The following AGTR1 variants were observed in gnomAD, a reference collection of about 807,000 sequenced individuals.
The protein encoded by AGTR1 is type-1 angiotensin II receptor.
A neutral mutation model predicts 19.4 loss-of-function variants in AGTR1; 16 were observed. That is an observed-to-expected ratio of 0.82 (90% CI 0.56 to 1.25). AGTR1 has a LOEUF of 1.25. AGTR1 is among the 50% of genes most tolerant of loss of function. The pLI is 0.00. For synonymous variants in AGTR1, 153 were observed against 154.9 expected, an observed-to-expected ratio of 0.99 and a Z score of 0.09; for missense variants, 373 against 431.9, an observed-to-expected ratio of 0.86 and a Z score of 1.21.
intron 1 of AGTR1, among the ~76,000 whole-genome samples, chr3:148,699,889 C>G (rs1243173093): frequency 6.6e-6 from 1 of 152,166 alleles, no homozygotes; most frequent in Admixed American, 6.5e-5. Context: ...TGACCTTAAA[C>G]TGAATCAACT....
intron 2 of AGTR1, among the ~76,000 whole-genome samples, chr3:148,712,751 G>A (rs1464579118): frequency 6.6e-6 from 1 of 152,162 alleles, no homozygotes; most frequent in Non-Finnish European, 1.5e-5. Flanking sequence ...AGCATCTCAT[G>A]TGATATACAA....
Position 148,709,338 on chromosome 3 carries a change from C to T in AGTR1, c.-48+1311C>T, listed in dbSNP as rs545060164. Among the ~76,000 whole-genome samples, 9 of 152,180 alleles carry T rather than the reference C, an allele frequency of 5.9e-5. No homozygotes were observed. The South Asian group carries it at 1.9e-3, about 32-fold the overall frequency. ...CTAGCAGGAAAAGCAGGACACTTAC[C>T]CAGGGGGTTCCTGCTGGAAATGATT... On this transcript the variant is annotated intron_variant, in intron 2 of 2. Coordinates refer to ENST00000349243, the MANE Select transcript of AGTR1 (RefSeq NM_000685.5).
chr3:148,741,476 C>T lies in AGTR1; in HGVS notation c.441C>T (p.Val147=). Residue 147 remains valine (V), a synonymous_variant, in exon 3 of 3, where the codon GTC becomes GTT. Coordinates refer to ENST00000349243, the MANE Select transcript of AGTR1 (RefSeq NM_000685.5). ...RLRRTMLVAK[V]TCIIIWLLAG... is the part of the protein sequence containing the mutation. ...GACGCACAATGCTTGTAGCCAAAGTCACCTGCATCATCATTTGGCTGCTGG... is the reference window on the plus strand; with the variant it reads ...GACGCACAATGCTTGTAGCCAAAGTTACCTGCATCATCATTTGGCTGCTGG... 1 of 1,613,230 alleles carries T rather than the reference C, an allele frequency of 6.2e-7. No homozygotes were observed. Among genetic ancestry groups the T allele is most frequent in the Non-Finnish European group, 8.5e-7 (1 of 1,180,022 alleles).
chr3:148,723,472 G>A (rs767314855), intron 2 of AGTR1, among the ~76,000 whole-genome samples: 3 of 152,064 alleles, frequency 2.0e-5, no homozygotes, highest in South Asian at 2.1e-4. Context: ...AATATTTGTC[G>A]AGTAAATGTC....
At chr3:148,707,611 A>AG (rs138983572) in intron 1 of AGTR1, among the ~76,000 whole-genome samples, 68,177 of 151,942 alleles carry the variant, frequency 0.45, 17,666 homozygotes, top group African/African-American at 0.73. Flanking sequence ...TCTTACATTT[A>AG]TAGACATTTC....
chr3:148,741,332 C>A lies in AGTR1; in HGVS notation c.297C>A (p.Tyr99Ter). 1 of 1,608,964 alleles carries A rather than the reference C, an allele frequency of 6.2e-7. No homozygotes were observed. Among genetic ancestry groups the A allele is most frequent in the Non-Finnish European group, 8.5e-7 (1 of 1,179,888 alleles). The change falls in exon 3 of 3, where the codon TAC becomes TAA. Residue 99 changes from tyrosine (Y) to a stop codon, truncating the protein, a stop_gained. Coordinates refer to ENST00000349243, the MANE Select transcript of AGTR1 (RefSeq NM_000685.5). LOFTEE classifies it high-confidence loss of function. ...AMEYRWPFGN[Y>*]LCKIASASVS... ...AATACCGCTGGCCCTTTGGCAATTA[C>A]CTATGTAAGATTGCTTCAGCCAGCG...
Position 148,741,946 on chromosome 3 carries a change from T to C in AGTR1, c.911T>C (p.Phe304Ser). Reference protein sequence around the residue: ...NNCLNPLFYGFLGKKFKRYFL... With the variant: ...NNCLNPLFYGSLGKKFKRYFL... ...TGCCTGAATCCTCTTTTTTATGGCT[T>C]TCTGGGGAAAAAATTTAAAAGATAT... is the stretch of plus-strand genomic sequence containing the variant. The change falls in exon 3 of 3, where the codon TTT becomes TCT. Residue 304 changes from phenylalanine (F) to serine (S), a missense_variant. Coordinates refer to ENST00000349243, the MANE Select transcript of AGTR1 (RefSeq NM_000685.5). 6.2e-7 allele frequency: 1 copy of C among 1,614,040 alleles called. No individual in the cohort carries two copies. The highest frequency in any genetic ancestry group is 8.5e-7 in the Non-Finnish European group (1 of 1,180,030).
intron 1 of AGTR1, among the ~76,000 whole-genome samples, chr3:148,699,808 C>T (rs1449175171): frequency 2.6e-5 from 4 of 152,158 alleles, no homozygotes; most frequent in Admixed American, 2.6e-4. Context: ...CTCCCCGCCA[C>T]CTTTTTTCCC....
chr3:148,700,422 G>T (rs956380958), intron 1 of AGTR1, among the ~76,000 whole-genome samples: 5 of 152,112 alleles, frequency 3.3e-5, no homozygotes, highest in African/African-American at 1.2e-4. Context: ...GTCCTTTCAA[G>T]CAGATAACTG....
intron 2 of AGTR1, chr3:148,739,750 C>G: frequency 8.2e-7 from 1 of 1,224,724 alleles, no homozygotes; most frequent in Non-Finnish European, 1.0e-6. Context: ...CAAGCACAAC[C>G]ATGCTTGGCA....
chr3:148,726,328 C>T (rs1713934530), intron 2 of AGTR1, among the ~76,000 whole-genome samples: 1 of 152,098 alleles, frequency 6.6e-6, no homozygotes, highest in Admixed American at 6.5e-5. Context: ...CCTACATCAG[C>T]CTCCCGAGTA....
chr3:148,724,931 A>G (rs923681404), intron 2 of AGTR1, among the ~76,000 whole-genome samples: 7 of 152,206 alleles, frequency 4.6e-5, no homozygotes, highest in Non-Finnish European at 8.8e-5. Flanking sequence ...AACTTCACAA[A>G]TCTGCCTGCT....
chr3:148,732,064 T>C (rs1458712683), intron 2 of AGTR1, among the ~76,000 whole-genome samples: 6 of 152,346 alleles, frequency 3.9e-5, no homozygotes, highest in African/African-American at 1.4e-4. Context: ...TTTAAAAAGT[T>C]GTATTTTCTT....
intron 2 of AGTR1, among the ~76,000 whole-genome samples, chr3:148,737,274 T>C (rs1473856389): frequency 6.6e-6 from 1 of 152,068 alleles, no homozygotes; most frequent in Admixed American, 6.5e-5. Flanking sequence ...TTCCCATAGA[T>C]GATGCTGCAG....
chr3:148,739,586 T>C (rs944881659), intron 2 of AGTR1, among the ~76,000 whole-genome samples: 6 of 152,194 alleles, frequency 3.9e-5, no homozygotes, highest in Admixed American at 3.9e-4. Flanking sequence ...AGAACAACTT[T>C]ACTTACTCAG....
chr3:148,699,462 A>T (rs1475463679), intron 1 of AGTR1, among the ~76,000 whole-genome samples: 2 of 152,060 alleles, frequency 1.3e-5, no homozygotes, highest in Admixed American at 1.3e-4. Context: ...TCAGGCTGTG[A>T]TGTATTCCCG....
chr3:148,730,244 C>CCT (rs1339559025), intron 2 of AGTR1: 1 of 398,312 alleles, frequency 2.5e-6, no homozygotes, highest in African/African-American at 2.1e-5. Context: ...GGAGGTAAAT[C>CCT]ATGTGCTTAA....
rs1413312331 is a variant in AGTR1 at position 148,741,557 on chromosome 3, C to G, written c.522C>G (p.Asn174Lys). The G allele has an allele frequency of 6.2e-7, 1 of 1,613,928 alleles. No homozygotes were observed. The highest frequency in any genetic ancestry group is 1.7e-5 in the Admixed American group (1 of 59,996). The change falls in exon 3 of 3, where the codon AAC becomes AAG. Residue 174 changes from asparagine (N) to lysine (K), a missense_variant. Physicochemically the swap from Asn to Lys is moderately conservative, Grantham distance 94 (BLOSUM62 0). Transcript: ENST00000349243. ...IIHRNVFFIE[N>K]TNITVCAFHY... ...ATCGAAATGTATTTTTCATTGAGAA[C>G]ACCAATATTACAGTTTGTGCTTTCC...
intron 2 of AGTR1, among the ~76,000 whole-genome samples, chr3:148,709,260 A>G (rs1467354456): frequency 6.6e-6 from 1 of 152,166 alleles, no homozygotes; most frequent in Non-Finnish European, 1.5e-5. Context: ...TTTATTTTAC[A>G]TCTTAAAAGT....
Sources: gnomAD v4.1 joint callset for allele counts (sites outside exome capture counted in the v4.1 genomes callset) on GRCh38, gnomAD v4.1.1 for gene constraint, MANE v1.5 for transcripts, NCBI Gene and HGNC (gene_info 2026-07-23, HGNC 2026-07-21) for gene names.